Variants in DOCK9 observed in about 807,000 individuals in gnomAD.
The protein encoded by DOCK9 is dedicator of cytokinesis protein 9.
Under a neutral mutation model 263.3 loss-of-function variants are expected in DOCK9, and 89 were observed. That is an observed-to-expected ratio of 0.34 (90% CI 0.28 to 0.40). DOCK9 has a LOEUF of 0.40. DOCK9 is among the 10% of genes least tolerant of loss of function. The pLI is 1.00. For missense variants in DOCK9, 2,140 were observed against 2,603.4 expected, an observed-to-expected ratio of 0.82 and a Z score of 3.87; for synonymous variants, 976 against 973.1, an observed-to-expected ratio of 1.00 and a Z score of -0.06.
Position 98,867,818 on chromosome 13 carries a change from A to G in DOCK9, c.3174+110T>C, listed in dbSNP as rs1196690324. 8.4e-6 allele frequency: 9 copies of G among 1,065,110 alleles called. No individual in the cohort carries two copies. In the Admixed American group the frequency reaches 2.0e-4, roughly 23 times the overall value. 66.0% of individuals were successfully genotyped at this position (1,065,110 alleles called of 1,614,324 possible). On this transcript the variant is annotated intron_variant, in intron 29 of 52. Coordinates refer to ENST00000682017, the MANE Select transcript of DOCK9 (RefSeq NM_001366683.2). ...ATAATTACAGACACAGGCTCAATAC[A>G]ATAAAAAAATTAGTAAGGCAGAGCT...
intron 1 of DOCK9, among the ~76,000 whole-genome samples, chr13:99,080,024 A>T (rs1744581238): frequency 1.3e-5 from 2 of 152,214 alleles, no homozygotes; most frequent in Admixed American, 1.3e-4. Flanking sequence ...TGGGTGACAG[A>T]GTGAGACTCC....
At chr13:99,053,171 C>T (rs928345823) in intron 1 of DOCK9, among the ~76,000 whole-genome samples, 1 of 152,198 alleles carries the variant, frequency 6.6e-6, no homozygotes, top group Non-Finnish European at 1.5e-5. Flanking sequence ...GTTCACATCC[C>T]TACTGTCCTT....
chr13:99,062,053 G>A (rs1164598383), intron 1 of DOCK9, among the ~76,000 whole-genome samples: 2 of 151,656 alleles, frequency 1.3e-5, no homozygotes, highest in African/African-American at 2.4e-5. Flanking sequence ...TTTATGTTTT[G>A]TAGAGACGGG....
chr13:98,906,673 A>C (rs1424753739), intron 9 of DOCK9, among the ~76,000 whole-genome samples: 3 of 152,224 alleles, frequency 2.0e-5, no homozygotes, highest in Non-Finnish European at 4.4e-5. Flanking sequence ...TTACATTTCT[A>C]ATCATGGATA....
At chr13:99,072,876 T>C (rs7325828) in intron 1 of DOCK9, among the ~76,000 whole-genome samples, 37,548 of 151,982 alleles carry the variant, frequency 0.25, 4,702 homozygotes, top group Middle Eastern at 0.35. Flanking sequence ...CACACACTTA[T>C]AGTCCCAGCT....
intron 6 of DOCK9, 97 bp from the exon 7 acceptor site, chr13:98,921,185 T>A: frequency 7.9e-7 from 1 of 1,262,964 alleles, no homozygotes. Context: ...ACATAAAACC[T>A]GTTTCCGTTC....
intron 1 of DOCK9, 57 bp downstream of exon 1, chr13:98,977,727 A>G: frequency 6.4e-7 from 1 of 1,571,256 alleles, no homozygotes; most frequent in African/African-American, 1.3e-5. Context: ...GTCCACACGC[A>G]CAATAAGAAC....
intron 1 of DOCK9, chr13:99,015,475 T>A: frequency 1.9e-6 from 3 of 1,597,068 alleles, no homozygotes; most frequent in Non-Finnish European, 2.5e-6. Context: ...TAGTTCTGAA[T>A]CTTCTTTTGT....
chr13:99,032,452 C>G (rs114852687), intron 1 of DOCK9, among the ~76,000 whole-genome samples: 2,361 of 149,310 alleles, frequency 0.016, 63 homozygotes, highest in African/African-American at 0.054. Context: ...CTCCACACTT[C>G]AGCCTGGGCA....
Position 98,793,986 on chromosome 13 carries a change from C to T in DOCK9, c.*640G>A, listed in dbSNP as rs1311708882. 4 of 152,578 alleles carry T rather than the reference C, an allele frequency of 2.6e-5. No individual in the cohort carries two copies. Among genetic ancestry groups the T allele is most frequent in the Admixed American group, 2.0e-4 (3 of 15,274 alleles). The allele number at this position is 152,578 out of a possible 1,614,324, so 9.5% of individuals were successfully genotyped here. On this transcript the variant is annotated 3_prime_UTR_variant, in exon 53 of 53. Transcript: ENST00000682017. Reference sequence around the variant, plus strand: ...TACTTTGTACTTTTCAGCATAGTTGCGGTTATTAATATAGGCCTTTGGTTC... The same window carrying T: ...TACTTTGTACTTTTCAGCATAGTTGTGGTTATTAATATAGGCCTTTGGTTC...
chr13:99,051,436 AT>A (rs2040691382), intron 1 of DOCK9, among the ~76,000 whole-genome samples: 1 of 152,138 alleles, frequency 6.6e-6, no homozygotes, highest in African/African-American at 2.4e-5. Flanking sequence ...AGGACTTTTC[AT>A]TCATTCTTCT....
At position 98,955,423 on chromosome 13, in the gene DOCK9, A is replaced by C. The variant is rs370662854; in HGVS notation, c.243+12T>G. 3 of 1,546,052 alleles carry C rather than the reference A, an allele frequency of 1.9e-6. No homozygotes were observed. Among genetic ancestry groups the C allele is most frequent in the Non-Finnish European group, 2.6e-6 (3 of 1,135,896 alleles). On this transcript the variant is annotated intron_variant, in intron 2 of 52. Coordinates refer to ENST00000682017, the MANE Select transcript of DOCK9 (RefSeq NM_001366683.2). Reference sequence around the variant, plus strand: ...CACGTGGTTCTACGGATAGAAACATAACGTTACTTACCTGAAAGTCATCGT... The same window carrying C: ...CACGTGGTTCTACGGATAGAAACATCACGTTACTTACCTGAAAGTCATCGT...
At chr13:98,936,623 CAAA>C (rs1189746396) in intron 2 of DOCK9, among the ~76,000 whole-genome samples, 1 of 47,518 alleles carries the variant, frequency 2.1e-5, no homozygotes, top group African/African-American at 7.0e-5. Context: ...CTGTCTCAAA[CAAA>C]AAAAAAAAAA....
chr13:99,084,350 G>A (rs925369927), intron 1 of DOCK9, among the ~76,000 whole-genome samples: 3 of 152,354 alleles, frequency 2.0e-5, no homozygotes, highest in Non-Finnish European at 4.4e-5. Context: ...ACATGCCAGA[G>A]CAGGCCCACC....
At chr13:98,969,457 G>C (rs796500788) in intron 1 of DOCK9, among the ~76,000 whole-genome samples, 11 of 109,088 alleles carry the variant, frequency 1.0e-4, no homozygotes, top group African/African-American at 3.7e-4. Flanking sequence ...TGAGAAGCGG[G>C]AGAAAGAAAA....
chr13:99,080,619 C>T (rs1405353695), intron 1 of DOCK9, among the ~76,000 whole-genome samples: 2 of 152,158 alleles, frequency 1.3e-5, no homozygotes, highest in Non-Finnish European at 2.9e-5. Context: ...AGCATTTGCT[C>T]AATTTCTTAT....
intron 1 of DOCK9, among the ~76,000 whole-genome samples, chr13:99,082,511 C>G (rs942388863): frequency 6.7e-6 from 1 of 148,718 alleles, no homozygotes; most frequent in African/African-American, 2.5e-5. Flanking sequence ...AAGAGCAAGA[C>G]TCCATCTCAA....
intron 1 of DOCK9, among the ~76,000 whole-genome samples, chr13:99,051,043 G>A (rs965592021): frequency 6.6e-6 from 1 of 152,146 alleles, no homozygotes; most frequent in Non-Finnish European, 1.5e-5. Context: ...CAGCTTCCCA[G>A]CCCGCCTCTG....
At chr13:98,890,511 G>A (rs1260138171) in intron 15 of DOCK9, among the ~76,000 whole-genome samples, 4 of 152,182 alleles carry the variant, frequency 2.6e-5, no homozygotes, top group Admixed American at 6.5e-5. Context: ...AGTTCAACAC[G>A]ATATGACTTA....
Sources: gnomAD v4.1 joint callset for allele counts (sites outside exome capture counted in the v4.1 genomes callset) on GRCh38, gnomAD v4.1.1 for gene constraint, MANE v1.5 for transcripts, NCBI Gene and HGNC (gene_info 2026-07-23, HGNC 2026-07-21) for gene names.